CLIC5: variants seen among roughly 807,000 people sequenced by gnomAD.
CLIC5 encodes the protein chloride intracellular channel protein 5.
Under a neutral mutation model 24.7 loss-of-function variants are expected in CLIC5, and 20 were observed. The ratio of observed to expected loss-of-function variants is 0.81; its 90% confidence interval spans 0.57 to 1.18. The LOEUF (loss-of-function observed/expected upper bound fraction) is 1.18. Ranked by LOEUF, CLIC5 falls within the 50% of genes most tolerant of loss-of-function variation. The pLI is 0.00. For missense variants in CLIC5, 341 were observed against 326.1 expected, an observed-to-expected ratio of 1.05 and a Z score of -0.35; for synonymous variants, 159 against 135.6, an observed-to-expected ratio of 1.17 and a Z score of -1.20.
At chr6:45,906,818 T>A (rs543388781) in intron 5 of CLIC5, among the ~76,000 whole-genome samples, 1 of 152,298 alleles carries the variant, frequency 6.6e-6, no homozygotes, top group Non-Finnish European at 1.5e-5. Context: ...TGCCTCAGCC[T>A]CCCAAAGTGC....
At position 45,900,210 on chromosome 6, in the gene CLIC5, C is replaced by T. The variant is rs1383760673; in HGVS notation, c.*2878G>A. On this transcript the variant is annotated 3_prime_UTR_variant, in exon 6 of 6. Coordinates refer to ENST00000339561, the MANE Select transcript of CLIC5 (RefSeq NM_016929.5). Reference sequence around the variant, plus strand: ...CTTCGTCTCCCACTACCCTGCTTCCCCCACCCCCAATAGTGCTGTGCAAGT... The same window carrying T: ...CTTCGTCTCCCACTACCCTGCTTCCTCCACCCCCAATAGTGCTGTGCAAGT... 6 of 152,120 alleles carry T rather than the reference C, an allele frequency of 3.9e-5. No individual in the cohort carries two copies. Among genetic ancestry groups the T allele is most frequent in the Admixed American group, 3.9e-4 (6 of 15,268 alleles). 9.4% of individuals were successfully genotyped at this position (152,120 alleles called of 1,614,324 possible). A position where few individuals can be genotyped will look rare whatever the true frequency, so the allele number is the denominator to read the frequency against.
intron 1 of CLIC5, among the ~76,000 whole-genome samples, chr6:45,992,055 G>A (rs995808111): frequency 3.3e-5 from 5 of 152,176 alleles, no homozygotes; most frequent in African/African-American, 7.2e-5. Context: ...AAAGGGCAGC[G>A]ATGGAAGAGA....
At chr6:46,017,916 C>G (rs1406840220), upstream of CLIC5, among the ~76,000 whole-genome samples, 1 of 152,196 alleles carries the variant, frequency 6.6e-6, no homozygotes, top group Non-Finnish European at 1.5e-5. Context: ...AAAGCAGTCA[C>G]CAAGCCCAAC....
chr6:45,988,441 G>A (rs888339989), intron 1 of CLIC5, among the ~76,000 whole-genome samples: 2 of 152,150 alleles, frequency 1.3e-5, no homozygotes, highest in African/African-American at 2.4e-5. Flanking sequence ...TAATTCAAAT[G>A]TTAAGCTCAC....
chr6:45,991,734 G>A (rs781733252), intron 1 of CLIC5, among the ~76,000 whole-genome samples: 1 of 152,156 alleles, frequency 6.6e-6, no homozygotes, highest in Non-Finnish European at 1.5e-5. Flanking sequence ...GGAAAAGAAA[G>A]CTTCCTCAGA....
At chr6:45,906,857 C>T (rs4371841) in intron 5 of CLIC5, among the ~76,000 whole-genome samples, 51,649 of 152,108 alleles carry the variant, frequency 0.34, 9,050 homozygotes, top group East Asian at 0.46. Flanking sequence ...CCACTGTGCC[C>T]GGCCACATTG....
Position 45,902,347 on chromosome 6 carries a change from C to A in CLIC5, c.*741G>T. ...TTGGCATCAACACTGCTCCCCTCCC[C>A]TCCCATCCCAGTCACTGCAGTTTAG... On this transcript the variant is annotated 3_prime_UTR_variant, in exon 6 of 6. Coordinates refer to ENST00000339561, the MANE Select transcript of CLIC5 (RefSeq NM_016929.5). The A allele has an allele frequency of 6.5e-6, 1 of 152,996 alleles. No homozygotes were observed. The highest frequency in any genetic ancestry group is 1.5e-5 in the Non-Finnish European group (1 of 68,216). 9.5% of individuals were successfully genotyped at this position (152,996 alleles called of 1,614,324 possible).
chr6:46,080,322 A>G (rs1409917885), exon 1 of CLIC5: 10 of 1,238,400 alleles, frequency 8.1e-6, no homozygotes, highest in Non-Finnish European at 1.1e-5. Context: ...ATGCTGCACC[A>G]CCTTGCAGAG....
chr6:45,904,602 G>A (rs148268648), intron 5 of CLIC5, among the ~76,000 whole-genome samples: 17 of 24,314 alleles, frequency 7.0e-4, no homozygotes, highest in Middle Eastern at 0.017. Context: ...GGGGTAACAG[G>A]AGAGTAGTAT....
chr6:46,103,539 A>G, the CLIC5 span, among the ~76,000 whole-genome samples: 1 of 152,162 alleles, frequency 6.6e-6, no homozygotes, highest in Non-Finnish European at 1.5e-5. Context: ...CACCTTTGCT[A>G]GCCAGGCCTC....
chr6:45,928,823 T>C (rs1299261899), intron 4 of CLIC5, among the ~76,000 whole-genome samples: 2 of 150,724 alleles, frequency 1.3e-5, no homozygotes, highest in Non-Finnish European at 2.9e-5. Context: ...GAAACGTATT[T>C]GGTTCCTATG....
chr6:46,061,167 ATTTTTG>A (rs767047041), intron 1 of CLIC5, among the ~76,000 whole-genome samples: 1 of 151,618 alleles, frequency 6.6e-6, no homozygotes, highest in African/African-American at 2.4e-5. Context: ...ACCTTTATAG[ATTTTTG>A]TTTTTGTTTT....
rs144234358 is a variant in CLIC5, at chr6:45,975,144, T to A, written c.64-19900A>T. On this transcript the variant is annotated intron_variant, in intron 1 of 5. Transcript: ENST00000339561. ...AGAGGAAAACCCCTCTGATCTGCCC[T>A]TGGGTCCCTTTACTTGTGCCTCCAA... Among the ~76,000 whole-genome samples the A allele has an allele frequency of 8.4e-3, 1,274 of 152,264 alleles. 7 individuals carry two copies. The highest frequency in any genetic ancestry group is 0.017 in the Middle Eastern group (5 of 294).
chr6:46,034,836 C>T (rs556600988), intron 1 of CLIC5, among the ~76,000 whole-genome samples: 5 of 152,270 alleles, frequency 3.3e-5, no homozygotes, highest in South Asian at 2.1e-4. Context: ...ATGTAGGGCA[C>T]GGACTCAAAC....
chr6:46,085,391 C>T, the CLIC5 span, among the ~76,000 whole-genome samples: 2 of 152,108 alleles, frequency 1.3e-5, no homozygotes, highest in Admixed American at 1.3e-4. Flanking sequence ...CGTTTTTTCC[C>T]CATCTTTGTG....
At position 45,902,354 on chromosome 6, in the gene CLIC5, C is replaced by G. The variant is rs1237744592; in HGVS notation, c.*734G>C. ...CAACACTGCTCCCCTCCCCTCCCAT[C>G]CCAGTCACTGCAGTTTAGAATTGCA... On this transcript the variant is annotated 3_prime_UTR_variant, in exon 6 of 6. Coordinates refer to ENST00000339561, the MANE Select transcript of CLIC5 (RefSeq NM_016929.5). 6.5e-6 allele frequency: 1 copy of G among 152,876 alleles called. No homozygotes were observed. The highest frequency in any genetic ancestry group is 1.5e-5 in the Non-Finnish European group (1 of 68,224). 9.5% of individuals were successfully genotyped at this position (152,876 alleles called of 1,614,324 possible).
intron 1 of CLIC5, among the ~76,000 whole-genome samples, chr6:46,025,127 T>C (rs771559910): frequency 1.3e-5 from 2 of 152,154 alleles, no homozygotes; most frequent in Non-Finnish European, 2.9e-5. Context: ...GAATTTCTAG[T>C]CCTCTAATCT....
downstream of CLIC5, among the ~76,000 whole-genome samples, chr6:45,893,570 G>T (rs76614832): frequency 0.031 from 4,760 of 152,156 alleles, 234 homozygotes; most frequent in African/African-American, 0.11. Flanking sequence ...CAGCTCTCTA[G>T]GTTTCTCTTC....
intron 1 of CLIC5, among the ~76,000 whole-genome samples, chr6:46,074,457 G>A (rs936323339): frequency 6.6e-6 from 1 of 152,110 alleles, no homozygotes; most frequent in Admixed American, 6.6e-5. Flanking sequence ...ATAATTATGG[G>A]CTATGAGTCT....
Sources: gnomAD v4.1 joint callset for allele counts (sites outside exome capture counted in the v4.1 genomes callset) on GRCh38, gnomAD v4.1.1 for gene constraint, MANE v1.5 for transcripts, NCBI Gene and HGNC (gene_info 2026-07-23, HGNC 2026-07-21) for gene names.